The following MRPS27 variants were observed in gnomAD, a reference collection of about 807,000 sequenced individuals.
MRPS27 encodes the protein small ribosomal subunit protein mS27.
Under a neutral mutation model 48.9 loss-of-function variants are expected in MRPS27, and 43 were observed. The ratio of observed to expected loss-of-function variants is 0.88; its 90% CI spans 0.69 to 1.13. The LOEUF (loss-of-function observed/expected upper bound fraction) is 1.13. Among genes scored for constraint, MRPS27 ranks in the 50% most tolerant of loss-of-function variants. MRPS27 has a pLI of 0.00. For missense variants in MRPS27, 467 were observed against 476.3 expected (o/e 0.98, Z 0.18); for synonymous variants, 188 against 171.9 (o/e 1.09, Z -0.73).
In MRPS27 at chr5:72,228,315, T is replaced by C; in HGVS notation, c.645A>G (p.Gln215=). Reference sequence around the variant, plus strand: ...GGGAACTGAAACCCACTGAGTTCTTTTGTTTTAGGCCTGGAAGCAAAAGGG... The same window carrying C: ...GGGAACTGAAACCCACTGAGTTCTTCTGTTTTAGGCCTGGAAGCAAAAGGG... ...GASLLLPGLK[Q]KNSVGFSSQL... Residue 215 remains glutamine (Q), a synonymous_variant, in exon 8 of 11, where the codon CAA becomes CAG. Transcript: ENST00000261413. 6.2e-7 allele frequency: 1 copy of C among 1,613,752 alleles called. No homozygotes were observed. The highest frequency in any genetic ancestry group is 8.5e-7 in the Non-Finnish European group (1 of 1,179,740).
chr5:72,301,844 G>A (rs1750133582), intron 2 of MRPS27, among the ~76,000 whole-genome samples: 1 of 152,254 alleles, frequency 6.6e-6, no homozygotes, highest in Non-Finnish European at 1.5e-5. Context: ...ACAGAGCAGG[G>A]ACGGCCAGGA....
At chr5:72,298,798 A>G (rs1236191961) in intron 2 of MRPS27, among the ~76,000 whole-genome samples, 2 of 152,130 alleles carry the variant, frequency 1.3e-5, no homozygotes, top group African/African-American at 4.8e-5. Flanking sequence ...ATAAAATAAA[A>G]CATTCTACCA....
At chr5:72,274,332 C>T (rs560726894) in intron 4 of MRPS27, among the ~76,000 whole-genome samples, 4 of 152,248 alleles carry the variant, frequency 2.6e-5, no homozygotes, top group South Asian at 2.1e-4. Flanking sequence ...CCAGCCTGGG[C>T]GACAGAGTGA....
At chr5:72,257,298 AGACTAAAAATCAATAAT>A (rs1181627801) in intron 4 of MRPS27, among the ~76,000 whole-genome samples, 1 of 152,232 alleles carries the variant, frequency 6.6e-6, no homozygotes, top group Non-Finnish European at 1.5e-5. Context: ...CAGCTTGAAC[AGACTAAAAATCAATAAT>A]ATAATCCTGC....
chr5:72,310,549 A>G (rs528308637), intron 2 of MRPS27, among the ~76,000 whole-genome samples: 70 of 152,366 alleles, frequency 4.6e-4, no homozygotes, highest in Non-Finnish European at 9.4e-4. Context: ...GCATGATAAT[A>G]AACAGATAAA....
intron 4 of MRPS27, among the ~76,000 whole-genome samples, chr5:72,267,227 G>A (rs898464347): frequency 4.6e-5 from 7 of 152,174 alleles, no homozygotes; most frequent in Admixed American, 3.9e-4. Flanking sequence ...CTAACCACAT[G>A]ACTTCTCTGG....
chr5:72,231,993 T>A (rs1022626727), intron 7 of MRPS27, among the ~76,000 whole-genome samples: 3 of 152,146 alleles, frequency 2.0e-5, no homozygotes, highest in African/African-American at 7.2e-5. Flanking sequence ...TGATTAAACA[T>A]GCGAACCTAA....
At chr5:72,286,137 GA>G (rs1749666339) in intron 4 of MRPS27, among the ~76,000 whole-genome samples, 2 of 151,978 alleles carry the variant, frequency 1.3e-5, no homozygotes, top group South Asian at 4.1e-4. Flanking sequence ...TGTATTTCTT[GA>G]ATTGATATTG....
At chr5:72,317,378 AT>A (rs1750591682) in intron 1 of MRPS27, among the ~76,000 whole-genome samples, 1 of 152,114 alleles carries the variant, frequency 6.6e-6, no homozygotes, top group Non-Finnish European at 1.5e-5. Flanking sequence ...ATTTCCATTT[AT>A]TTTTTCGTTT....
chr5:72,266,167 G>A (rs140295765), intron 4 of MRPS27, among the ~76,000 whole-genome samples: 1 of 152,170 alleles, frequency 6.6e-6, no homozygotes, highest in Non-Finnish European at 1.5e-5. Flanking sequence ...AAGAATAACA[G>A]TGAGGCATGA....
intron 4 of MRPS27, among the ~76,000 whole-genome samples, chr5:72,281,690 C>G (rs1012343390): frequency 6.6e-6 from 1 of 152,190 alleles, no homozygotes; most frequent in Non-Finnish European, 1.5e-5. Flanking sequence ...TCCATTCCAA[C>G]TGGAGTCTGA....
intron 2 of MRPS27, among the ~76,000 whole-genome samples, chr5:72,311,690 C>T (rs1026120418): frequency 5.3e-5 from 8 of 152,210 alleles, no homozygotes; most frequent in East Asian, 3.8e-4. Flanking sequence ...CACCAGATGC[C>T]ACCCCTCAAC....
intron 4 of MRPS27, among the ~76,000 whole-genome samples, chr5:72,247,786 T>G (rs936411716): frequency 1.5e-4 from 23 of 152,236 alleles, no homozygotes; most frequent in African/African-American, 5.3e-4. Flanking sequence ...TTTTATATAC[T>G]GTTACTTTAT....
chr5:72,243,798 C>T (rs1444351564), intron 4 of MRPS27, among the ~76,000 whole-genome samples: 1 of 152,064 alleles, frequency 6.6e-6, no homozygotes, highest in African/African-American at 2.4e-5. Context: ...AAATTAAAGT[C>T]AAGTTTACAG....
At chr5:72,231,648 T>G (rs1748068079) in intron 7 of MRPS27, among the ~76,000 whole-genome samples, 1 of 152,198 alleles carries the variant, frequency 6.6e-6, no homozygotes, top group Non-Finnish European at 1.5e-5. Flanking sequence ...ACACTCATCT[T>G]AGAAAGGCAT....
intron 4 of MRPS27, among the ~76,000 whole-genome samples, chr5:72,243,443 G>A (rs1020557415): frequency 1.3e-5 from 2 of 152,102 alleles, no homozygotes; most frequent in African/African-American, 4.8e-5. Context: ...AAATTTTGAT[G>A]AGATAATTTT....
intron 10 of MRPS27, among the ~76,000 whole-genome samples, chr5:72,222,154 T>C (rs1747760879): frequency 6.6e-6 from 1 of 152,158 alleles, no homozygotes; most frequent in African/African-American, 2.4e-5. Context: ...AAATGACCTC[T>C]GACTAATAAA....
rs1401359727 is a variant in MRPS27, at chr5:72,232,457, T to C, written c.577A>G (p.Lys193Glu). The change falls in exon 7 of 11, where the codon AAG becomes GAG. Residue 193 changes from lysine to glutamate, a missense_variant. Transcript: ENST00000261413. ...AGATCACTTACACTGAAGTCTGTCT[T>C]CTTTGCCAGGCAATGAAATAAAACA... The part of the protein sequence containing the change: ...LYVLFHCLAK[K>E]TDFSWEEERN... The C allele has an allele frequency of 6.2e-7, 1 of 1,611,316 alleles. No individual in the cohort carries two copies. The highest frequency in any genetic ancestry group is 8.5e-7 in the Non-Finnish European group (1 of 1,178,110).
At chr5:72,243,245 G>A (rs913115553) in intron 4 of MRPS27, among the ~76,000 whole-genome samples, 49 of 152,320 alleles carry the variant, frequency 3.2e-4, no homozygotes, top group African/African-American at 1.1e-3. Context: ...CAAAAGGAAT[G>A]AGCGCTTCCT....
Sources: gnomAD v4.1 joint callset for allele counts (sites outside exome capture counted in the v4.1 genomes callset) on GRCh38, gnomAD v4.1.1 for gene constraint, MANE v1.5 for transcripts, NCBI Gene and HGNC (gene_info 2026-07-23, HGNC 2026-07-21) for gene names.